MICAL2: variants seen among roughly 807,000 people sequenced by gnomAD.
The protein encoded by MICAL2 is [F-actin]-monooxygenase MICAL2.
MICAL2 carries 77 observed loss-of-function variants against 127.3 expected under a neutral mutation model. The ratio of observed to expected loss-of-function variants is 0.60; its 90% CI spans 0.50 to 0.73. The LOEUF (loss-of-function observed/expected upper bound fraction) is 0.73, where lower values mean the gene tolerates loss of function less well. Among genes scored for constraint, MICAL2 ranks in the 30% least tolerant of loss-of-function variants. The pLI is 0.00. For missense variants in MICAL2, 1,351 were observed against 1,434.4 expected, an observed-to-expected ratio of 0.94 and a Z score of 0.94; for synonymous variants, 570 against 551.1, an observed-to-expected ratio of 1.03 and a Z score of -0.48.
downstream of MICAL2, chr11:12,293,737 C>G: frequency 6.2e-7 from 1 of 1,613,964 alleles, no homozygotes; most frequent in Non-Finnish European, 8.5e-7. Context: ...GTGAAGATGG[C>G]CTCTCAGACC....
intron 32 of MICAL2, among the ~76,000 whole-genome samples, chr11:12,330,646 C>CT (rs1456394555): frequency 4.6e-5 from 7 of 152,034 alleles, no homozygotes; most frequent in Non-Finnish European, 1.0e-4. Context: ...TTCCTGCTTT[C>CT]TTTTTTTACA....
intron 30 of MICAL2, among the ~76,000 whole-genome samples, chr11:12,323,220 T>C (rs989062147): frequency 6.6e-6 from 1 of 152,164 alleles, no homozygotes; most frequent in African/African-American, 2.4e-5. Context: ...CAATTTAAAA[T>C]TTTTTTAACA....
At chr11:12,224,853 C>G in intron 13 of MICAL2, 33 bp downstream of exon 13, 1 of 1,588,786 alleles carries the variant, frequency 6.3e-7, no homozygotes, top group Non-Finnish European at 8.6e-7. Context: ...CCCCTGGAGA[C>G]GAGGGATGCC....
intron 2 of MICAL2, among the ~76,000 whole-genome samples, chr11:12,156,987 T>G (rs949280736): frequency 1.3e-5 from 2 of 152,248 alleles, no homozygotes; most frequent in Non-Finnish European, 2.9e-5. Flanking sequence ...CAGGGCTGCT[T>G]GGCAGTATAC....
At chr11:12,314,659 TGTA>T (rs1565302828) in intron 29 of MICAL2, among the ~76,000 whole-genome samples, 26 of 146,352 alleles carry the variant, frequency 1.8e-4, no homozygotes, top group East Asian at 6.0e-4. Flanking sequence ...TTTTTTTTTT[TGTA>T]TTTTTAGTAG....
intron 3 of MICAL2, among the ~76,000 whole-genome samples, chr11:12,175,552 A>G (rs1403530280): frequency 4.6e-5 from 7 of 151,658 alleles, no homozygotes; most frequent in East Asian, 1.9e-4. Flanking sequence ...GAGAGAGAGA[A>G]AGAGAGAGAC....
At chr11:12,143,480 T>A (rs1852555472) in intron 2 of MICAL2, among the ~76,000 whole-genome samples, 1 of 152,218 alleles carries the variant, frequency 6.6e-6, no homozygotes, top group Non-Finnish European at 1.5e-5. Context: ...GCCTGATGGA[T>A]GTTTCCATAT....
In MICAL2 at chr11:12,244,049, G is replaced by A. The variant is rs184213557; in HGVS notation, c.2721G>A (p.Pro907=). The A allele has an allele frequency of 5.8e-5, 93 of 1,613,978 alleles. No homozygotes were observed. The highest frequency in any genetic ancestry group is 4.9e-4 in the Middle Eastern group (3 of 6,062). Residue 907 remains proline, a synonymous_variant, in exon 21 of 28, where the codon CCG becomes CCA. Coordinates refer to ENST00000683283, the MANE Select transcript of MICAL2 (RefSeq NM_001282663.2). ...CTCCATCTCCTCCCTCTCGCCTTCC[G>A]TCTCCTGATCCAGCTGCTTCTTCCT... The part of the protein sequence containing the change: ...THPPSPPSRL[P]SPDPAASSSP...
intron 33 of MICAL2, among the ~76,000 whole-genome samples, chr11:12,354,614 C>G (rs534676700): frequency 6.6e-6 from 1 of 152,248 alleles, no homozygotes; most frequent in East Asian, 1.9e-4. Context: ...GTCCAGACGA[C>G]AAAGACTCGG....
intron 1 of MICAL2, among the ~76,000 whole-genome samples, chr11:12,122,993 C>A (rs188640953): frequency 1.3e-5 from 2 of 152,226 alleles, no homozygotes; most frequent in Non-Finnish European, 2.9e-5. Flanking sequence ...CCCTTGGGTG[C>A]CATGGAGAGT....
downstream of MICAL2, among the ~76,000 whole-genome samples, chr11:12,268,073 C>T (rs2134746615): frequency 6.6e-6 from 1 of 152,278 alleles, no homozygotes. Flanking sequence ...GGATATATGC[C>T]CTCTGGCCTG....
intron 29 of MICAL2, among the ~76,000 whole-genome samples, chr11:12,300,517 A>G (rs1434715860): frequency 6.6e-6 from 1 of 152,188 alleles, no homozygotes; most frequent in East Asian, 1.9e-4. Flanking sequence ...ATAGCTTGAG[A>G]GAGACATGGT....
chr11:12,165,873 G>T (rs142669295), intron 3 of MICAL2, among the ~76,000 whole-genome samples: 1 of 152,220 alleles, frequency 6.6e-6, no homozygotes, highest in Admixed American at 6.5e-5. Context: ...TCTCACTTGG[G>T]ATTATTGTTT....
In MICAL2 at chr11:12,141,358, ACTTCTGTGGTCCTGGT is replaced by A. The variant is rs1455864933; in HGVS notation, c.-78+2900_-78+2915del. On this transcript the variant is annotated intron_variant, in intron 2 of 27. Transcript: ENST00000683283. ...GTGGTATCTTAAAGAAGTCTCCTTG[ACTTCTGTGGTCCTGGT>A]CCTCAGTGTCTCTCTCAGTTTGTCC... Among the ~76,000 whole-genome samples the A allele has an allele frequency of 2.0e-5, 3 of 151,970 alleles. No homozygotes were observed. The East Asian group carries it at 5.8e-4, about 29-fold the overall frequency.
rs1219194221 is a variant in MICAL2 at position 12,338,640 on chromosome 11, G to T, written c.5516-11198G>T. ...GTGCTTCCTTCAGGAGCTCTTTTAG[G>T]GCAGGCCTTGTGGTGACAAAATCTC... On this transcript the variant is annotated intron_variant, in intron 32 of 34. Coordinates refer to the MICAL2 transcript ENST00000646065. 1.1e-4 allele frequency among the ~76,000 whole-genome samples: 16 copies of T among 152,260 alleles called. No individual in the cohort carries two copies. In the East Asian group the frequency reaches 3.1e-3, roughly 29 times the overall value.
At position 12,358,453 on chromosome 11, in the gene MICAL2, AG is replaced by A. The variant is rs1430024163; in HGVS notation, c.5849del (p.Arg1950LysfsTer5). ...GCACTTTGAAAGCTTCGTATTCTCC[AG>A]AGGCTGTCAGCTGAGCAGGACTTGA... On this transcript the variant is annotated frameshift_variant, in exon 35 of 35. Transcript: ENST00000646065. LOFTEE classifies it high-confidence loss of function. 1.9e-6 allele frequency: 3 copies of A among 1,614,078 alleles called. No homozygotes were observed. The African/African-American group carries it at 4.0e-5, about 22-fold the overall frequency.
downstream of MICAL2, among the ~76,000 whole-genome samples, chr11:12,264,125 A>G (rs1863484542): frequency 1.3e-5 from 2 of 152,154 alleles, no homozygotes; most frequent in Admixed American, 1.3e-4. Context: ...TTTCCCCCGC[A>G]CACCCAAGCG....
chr11:12,361,977 C>G (rs1032553013), downstream of MICAL2, among the ~76,000 whole-genome samples: 2 of 152,200 alleles, frequency 1.3e-5, no homozygotes, highest in Non-Finnish European at 2.9e-5. Flanking sequence ...TGTACGATTT[C>G]ATCTACTGTT....
chr11:12,327,202 G>A (rs1423522564), exon 32 of MICAL2: 1 of 1,551,798 alleles, frequency 6.4e-7, no homozygotes, highest in Non-Finnish European at 8.7e-7. Context: ...AGGAGGTGGA[G>A]GAGCGGCAGA....
Sources: allele counts gnomAD v4.1 joint callset (sites outside exome capture counted in the v4.1 genomes callset), GRCh38; gene constraint gnomAD v4.1.1; transcripts MANE v1.5; gene names NCBI Gene and HGNC (gene_info 2026-07-23, HGNC 2026-07-21).